The following KATNAL2 variants were observed in gnomAD, a reference collection of about 807,000 sequenced individuals.
KATNAL2 encodes the protein katanin catalytic subunit A1 like 2.
In KATNAL2, 52 loss-of-function variants were observed where a neutral mutation model predicts 76.3. The observed-to-expected ratio is 0.68, with a 90% CI of 0.55 to 0.86. The LOEUF is 0.86. Ranked by LOEUF, KATNAL2 falls within the 40% of genes least tolerant of loss-of-function variation. KATNAL2 has a pLI of 0.00. For missense variants in KATNAL2, 660 were observed against 668.9 expected (o/e 0.99, Z 0.15); for synonymous variants, 243 against 244.2 (o/e 1.00, Z 0.05).
intron 3 of KATNAL2, chr18:47,034,060 G>A (rs1569052938): frequency 6.2e-7 from 1 of 1,614,228 alleles, no homozygotes; most frequent in Non-Finnish European, 8.5e-7. Context: ...AGTGGTGGCA[G>A]ATTTTCCAGT....
At chr18:46,939,308 G>C (rs2059178892) in intron 1 of KATNAL2, among the ~76,000 whole-genome samples, 1 of 150,732 alleles carries the variant, frequency 6.6e-6, no homozygotes, top group Non-Finnish European at 1.5e-5. Context: ...ACTCCAGCCT[G>C]AGCGGCAGAA....
chr18:47,054,406 T>C lies in KATNAL2; in HGVS notation c.300T>C (p.Asn100=), dbSNP rs754913785. 1.9e-6 allele frequency: 3 copies of C among 1,613,436 alleles called. No individual in the cohort carries two copies. The South Asian group carries it at 3.3e-5, about 18-fold the overall frequency. Residue 100 remains asparagine, a synonymous_variant, in exon 6 of 18, where the codon AAT becomes AAC. Coordinates refer to ENST00000683218, the MANE Select transcript of KATNAL2 (RefSeq NM_001387690.1). The part of the protein sequence containing the change: ...VKKSSDTAEN[N]LPQRSRGKTR... The stretch of plus-strand genomic sequence containing the variant: ...TCTGTTTTGTCACAGCAGAAAATAA[T>C]TTACCGCAAAGAAGTAGAGGGAAGA...
At chr18:47,069,429 A>C (rs2061920197) in intron 12 of KATNAL2, 53 bp from the exon 13 acceptor site, 1 of 1,454,822 alleles carries the variant, frequency 6.9e-7, no homozygotes, top group Non-Finnish European at 9.6e-7. Context: ...TCTGTCTATA[A>C]GCAGGGGGAT....
chr18:46,928,149 A>G (rs1156875337), intron 1 of KATNAL2, among the ~76,000 whole-genome samples: 3 of 152,122 alleles, frequency 2.0e-5, no homozygotes, highest in Non-Finnish European at 2.9e-5. Flanking sequence ...CCTTTGGAGG[A>G]GGAGAGGCAC....
At chr18:46,930,377 T>G (rs2058868988) in intron 1 of KATNAL2, among the ~76,000 whole-genome samples, 1 of 152,188 alleles carries the variant, frequency 6.6e-6, no homozygotes. Flanking sequence ...CTATTAAAAT[T>G]TATAGACTAT....
Position 46,952,112 on chromosome 18 carries a change from C to G in KATNAL2, c.51+5189C>G, listed in dbSNP as rs200702350. On this transcript the variant is annotated intron_variant, in intron 3 of 17. Transcript: ENST00000683218. ...TCTTTTTTAGAGACAGACAAAGTCT[C>G]TCCCAGGCTGGAGTGCATTGGCATG... Among the ~76,000 whole-genome samples the G allele has an allele frequency of 1.5e-4, 23 of 152,226 alleles. No individual in the cohort carries two copies. In the East Asian group the frequency reaches 4.1e-3, roughly 27 times the overall value.
intron 3 of KATNAL2, among the ~76,000 whole-genome samples, chr18:47,032,217 T>G (rs1364950786): frequency 6.6e-6 from 1 of 152,256 alleles, no homozygotes; most frequent in Non-Finnish European, 1.5e-5. Context: ...TACCATTCAC[T>G]TATGAAATCC....
rs200871607 is a variant in KATNAL2, at chr18:46,923,244, C to T, written c.-510+5318C>T. ...CCCACCCCACAACAGTCCCCGTCCC[C>T]GGTGTGTGATGTTCCCCTTCCTGTG... On this transcript the variant is annotated intron_variant, in intron 1 of 17. Transcript: ENST00000683218. 2.4e-4 allele frequency among the ~76,000 whole-genome samples: 33 copies of T among 137,134 alleles called. No homozygotes were observed. In the South Asian group the frequency reaches 3.7e-3, roughly 15 times the overall value. The allele number at this position is 137,134 out of a possible 152,430, so 90.0% of individuals were successfully genotyped here.
chr18:47,033,424 G>A (rs1250673720), intron 3 of KATNAL2: 9 of 1,614,070 alleles, frequency 5.6e-6, no homozygotes, highest in African/African-American at 1.3e-5. Context: ...CTGCTCTGGG[G>A]CGTCCGGAAG....
chr18:46,921,915 C>T (rs961719042), intron 1 of KATNAL2, among the ~76,000 whole-genome samples: 12 of 152,066 alleles, frequency 7.9e-5, no homozygotes, highest in African/African-American at 2.9e-4. Context: ...CTTCCTCTCT[C>T]CCTATAACAG....
At chr18:46,935,550 A>G (rs1281787780) in intron 1 of KATNAL2, among the ~76,000 whole-genome samples, 1 of 152,166 alleles carries the variant, frequency 6.6e-6, no homozygotes. Context: ...CAGCCTCCAG[A>G]GTAGCTCGTA....
At chr18:46,929,064 G>A (rs540173466) in intron 1 of KATNAL2, among the ~76,000 whole-genome samples, 7 of 152,130 alleles carry the variant, frequency 4.6e-5, no homozygotes, top group Admixed American at 1.3e-4. Flanking sequence ...CCAAAGTGCC[G>A]GGATTACAGG....
At chr18:46,940,105 A>G (rs1254366285) in intron 1 of KATNAL2, among the ~76,000 whole-genome samples, 5 of 152,232 alleles carry the variant, frequency 3.3e-5, no homozygotes, top group Non-Finnish European at 7.3e-5. Context: ...AAGTTTGAAC[A>G]GGTCCAATAC....
intron 1 of KATNAL2, among the ~76,000 whole-genome samples, chr18:46,920,350 T>C (rs1179512748): frequency 1.3e-5 from 2 of 152,158 alleles, no homozygotes; most frequent in African/African-American, 4.8e-5. Flanking sequence ...TATTCAGTGA[T>C]TAGAGATAAG....
intron 1 of KATNAL2, among the ~76,000 whole-genome samples, chr18:46,930,104 A>T (rs1016204495): frequency 8.5e-5 from 13 of 152,122 alleles, no homozygotes; most frequent in African/African-American, 3.1e-4. Context: ...TCAAATATTT[A>T]TACAACTTTT....
chr18:47,068,534 A>T (rs371525430), intron 11 of KATNAL2, among the ~76,000 whole-genome samples: 13 of 152,204 alleles, frequency 8.5e-5, no homozygotes, highest in African/African-American at 2.9e-4. Flanking sequence ...TGGCATTACA[A>T]GCTCCATATG....
chr18:46,946,983 G>A, intron 3 of KATNAL2, 60 bp downstream of exon 3: 1 of 1,183,116 alleles, frequency 8.5e-7, no homozygotes, highest in Non-Finnish European at 1.2e-6. Flanking sequence ...CTGTTGCTGC[G>A]GGACGATTCC....
At chr18:47,037,008 C>T (rs1379730553) in intron 3 of KATNAL2, among the ~76,000 whole-genome samples, 1 of 152,146 alleles carries the variant, frequency 6.6e-6, no homozygotes, top group African/African-American at 2.4e-5. Flanking sequence ...ATATTAGATG[C>T]AGGGACTGTA....
intron 3 of KATNAL2, among the ~76,000 whole-genome samples, chr18:47,040,929 G>C (rs2060941940): frequency 1.3e-5 from 2 of 152,152 alleles, no homozygotes; most frequent in African/African-American, 4.8e-5. Context: ...TTTATAATAA[G>C]AGTTTCAGAA....
Sources: allele counts gnomAD v4.1 joint callset (sites outside exome capture counted in the v4.1 genomes callset), GRCh38; gene constraint gnomAD v4.1.1; transcripts MANE v1.5; gene names NCBI Gene and HGNC (gene_info 2026-07-23, HGNC 2026-07-21).